The following GADL1 variants were observed in gnomAD, a reference collection of about 807,000 sequenced individuals.
GADL1 encodes acidic amino acid decarboxylase GADL1.
In GADL1, 71 loss-of-function variants were observed where a neutral mutation model predicts 69.5. The observed-to-expected ratio is 1.02, with a 90% CI of 0.84 to 1.25. The LOEUF is 1.25. GADL1 is among the 50% of genes most tolerant of loss of function. The pLI is 0.00. For missense variants in GADL1, 737 were observed against 631.8 expected, an observed-to-expected ratio of 1.17 and a Z score of -1.79; for synonymous variants, 254 against 214.4, an observed-to-expected ratio of 1.18 and a Z score of -1.62.
At chr3:30,753,084 C>T (rs977980011) in intron 14 of GADL1, among the ~76,000 whole-genome samples, 2 of 152,100 alleles carry the variant, frequency 1.3e-5, no homozygotes, top group Non-Finnish European at 2.9e-5. Context: ...CTGTCACTGC[C>T]AATAAATAAG....
At chr3:30,858,816 G>A (rs1698270978) in intron 2 of GADL1, among the ~76,000 whole-genome samples, 1 of 151,968 alleles carries the variant, frequency 6.6e-6, no homozygotes, top group Non-Finnish European at 1.5e-5. Flanking sequence ...CTACAGCAGG[G>A]CAGAAAGGAG....
intron 1 of GADL1, among the ~76,000 whole-genome samples, chr3:30,873,478 C>T (rs924820377): frequency 4.6e-5 from 7 of 151,892 alleles, no homozygotes; most frequent in Non-Finnish European, 8.8e-5. Flanking sequence ...TTACCATATT[C>T]TCCTTTTTTC....
At position 30,728,022 on chromosome 3, in the gene GADL1, AT is replaced by A. The variant is rs1005422748; in HGVS notation, c.*219del. ...TCCAGGGGCATTCCTTGAGAAAATC[AT>A]TTTTTTTTTTAAACTTTCTTCTTTT... On this transcript the variant is annotated 3_prime_UTR_variant, in exon 15 of 15. Coordinates refer to ENST00000282538, the MANE Select transcript of GADL1 (RefSeq NM_207359.3). The A allele has an allele frequency of 0.013, 4,835 of 385,500 alleles. 12 individuals are homozygous for A. The highest frequency in any genetic ancestry group is 0.025 in the Middle Eastern group (35 of 1,396). The allele number at this position is 385,500 out of a possible 1,614,324, so 23.9% of individuals were successfully genotyped here.
At chr3:30,801,551 C>G (rs1230289449) in intron 11 of GADL1, among the ~76,000 whole-genome samples, 2 of 152,142 alleles carry the variant, frequency 1.3e-5, no homozygotes, top group South Asian at 2.1e-4. Context: ...CAACATAACT[C>G]AGGGATAAAA....
At chr3:30,752,971 T>G (rs1695867018) in intron 14 of GADL1, among the ~76,000 whole-genome samples, 1 of 152,124 alleles carries the variant, frequency 6.6e-6, no homozygotes, top group Non-Finnish European at 1.5e-5. Context: ...TTTTGAACAC[T>G]TCATTGTCAG....
chr3:30,812,520 A>ACT (rs1697377290), intron 11 of GADL1, among the ~76,000 whole-genome samples: 1 of 152,184 alleles, frequency 6.6e-6, no homozygotes, highest in Non-Finnish European at 1.5e-5. Flanking sequence ...ACTCCCTATT[A>ACT]TAAGAATAGC....
At position 30,867,769 on chromosome 3, in the gene GADL1, G is replaced by A. The variant is rs376961536; in HGVS notation, c.38-6004C>T. ...AGGGAGTTAATAATGACAGCAAGAC[G>A]AATTACTGTACTTGGGTAATTGGGG... On this transcript the variant is annotated intron_variant, in intron 1 of 14. Transcript: ENST00000282538. Among the ~76,000 whole-genome samples the A allele has an allele frequency of 8.9e-4, 136 of 152,042 alleles. 1 individual carries two copies. Among genetic ancestry groups the A allele is most frequent in the African/African-American group, 3.1e-3 (129 of 41,504 alleles).
At chr3:30,779,407 C>T (rs1696609352) in intron 13 of GADL1, among the ~76,000 whole-genome samples, 1 of 152,200 alleles carries the variant, frequency 6.6e-6, no homozygotes, top group African/African-American at 2.4e-5. Context: ...AGTTTCAAAG[C>T]ATTTCATCAA....
chr3:30,757,977 A>G (rs1474020677), intron 14 of GADL1, among the ~76,000 whole-genome samples: 3 of 152,206 alleles, frequency 2.0e-5, no homozygotes, highest in Non-Finnish European at 4.4e-5. Flanking sequence ...CATGGTGTTT[A>G]TTCATTAATC....
intron 4 of GADL1, 88 bp from the exon 5 acceptor site, chr3:30,851,029 A>C: frequency 1.3e-6 from 1 of 742,894 alleles, no homozygotes; most frequent in South Asian, 1.9e-5. Context: ...GTTCTATTAA[A>C]CCAAGTGGCT....
intron 14 of GADL1, among the ~76,000 whole-genome samples, chr3:30,756,299 GAAT>G (rs1304703682): frequency 6.6e-6 from 1 of 151,948 alleles, no homozygotes; most frequent in East Asian, 1.9e-4. Context: ...CATAAGATGA[GAAT>G]AAGAAGGAAA....
chr3:30,813,427 G>GT lies in GADL1; in HGVS notation c.1051-12340dup, dbSNP rs1697399982. 6.6e-5 allele frequency among the ~76,000 whole-genome samples: 10 copies of GT among 152,314 alleles called. No individual in the cohort carries two copies. The South Asian group carries it at 1.9e-3, about 28-fold the overall frequency. ...TCAAACTGGACAAAACAGACACAGA[G>GT]TGAGTGTTCTGCTTTGGAATGAGGC... On this transcript the variant is annotated intron_variant, in intron 11 of 14. Transcript: ENST00000282538.
At chr3:30,889,298 A>G (rs912023019) in intron 1 of GADL1, among the ~76,000 whole-genome samples, 1 of 152,136 alleles carries the variant, frequency 6.6e-6, no homozygotes, top group African/African-American at 2.4e-5. Flanking sequence ...CTACAATTCA[A>G]GATGAGATTT....
At chr3:30,833,259 G>C (rs1010667098) in intron 11 of GADL1, among the ~76,000 whole-genome samples, 5 of 151,950 alleles carry the variant, frequency 3.3e-5, no homozygotes, top group Non-Finnish European at 5.9e-5. Context: ...CGGCCAAGAG[G>C]AGCCTCAACT....
intron 14 of GADL1, among the ~76,000 whole-genome samples, chr3:30,742,990 C>A (rs942771059): frequency 2.0e-5 from 3 of 151,662 alleles, no homozygotes; most frequent in African/African-American, 7.3e-5. Flanking sequence ...AAAAACAGAA[C>A]CTGCGCATGA....
At chr3:30,811,840 CA>C (rs1697361866) in intron 11 of GADL1, among the ~76,000 whole-genome samples, 1 of 152,102 alleles carries the variant, frequency 6.6e-6, no homozygotes, top group Non-Finnish European at 1.5e-5. Flanking sequence ...GGTTCCTACT[CA>C]AGGCCAAAAA....
intron 11 of GADL1, among the ~76,000 whole-genome samples, chr3:30,831,447 C>A (rs1697791409): frequency 6.6e-6 from 1 of 151,898 alleles, no homozygotes; most frequent in Non-Finnish European, 1.5e-5. Context: ...TTGGCTGCAA[C>A]TAACAGATTA....
chr3:30,740,981 ATATT>A (rs1695611649), intron 14 of GADL1, among the ~76,000 whole-genome samples: 1 of 131,324 alleles, frequency 7.6e-6, no homozygotes, highest in Admixed American at 7.9e-5. Flanking sequence ...ATATTAATAT[ATATT>A]ATATATTATA....
At chr3:30,781,450 T>A (rs1481739405) in intron 13 of GADL1, among the ~76,000 whole-genome samples, 1 of 152,208 alleles carries the variant, frequency 6.6e-6, no homozygotes, top group Non-Finnish European at 1.5e-5. Flanking sequence ...CTAGCACTAT[T>A]CTGTTTTAAT....
Sources: gnomAD v4.1 joint callset for allele counts (sites outside exome capture counted in the v4.1 genomes callset) on GRCh38, gnomAD v4.1.1 for gene constraint, MANE v1.5 for transcripts, NCBI Gene and HGNC (gene_info 2026-07-23, HGNC 2026-07-21) for gene names.